FBXL2: variants seen among roughly 807,000 people sequenced by gnomAD.
FBXL2 encodes the protein F-box/LRR-repeat protein 2.
FBXL2 carries 38 observed loss-of-function variants against 69.2 expected under a neutral mutation model. The ratio of observed to expected loss-of-function variants is 0.55; its 90% CI spans 0.42 to 0.72. The LOEUF is 0.72. Among genes scored for constraint, FBXL2 ranks in the 30% least tolerant of loss-of-function variants. The pLI is 0.00. For synonymous variants in FBXL2, 192 were observed against 201.3 expected (o/e 0.95, Z 0.39); for missense variants, 354 against 520.3 (o/e 0.68, Z 3.11).
intron 2 of FBXL2, among the ~76,000 whole-genome samples, chr3:33,309,293 A>C (rs768894815): frequency 2.0e-5 from 3 of 152,094 alleles, no homozygotes; most frequent in Non-Finnish European, 2.9e-5. Flanking sequence ...AGGTGCTCTG[A>C]TGTTGAGTGC....
chr3:33,385,333 G>A (rs554722730), intron 14 of FBXL2, among the ~76,000 whole-genome samples, 168 bp from the exon 15 acceptor site: 1 of 152,258 alleles, frequency 6.6e-6, no homozygotes, highest in East Asian at 1.9e-4. Context: ...TACTAATGGG[G>A]GGCAGACGGT....
At chr3:33,342,226 T>C (rs1330646940) in intron 2 of FBXL2, among the ~76,000 whole-genome samples, 1 of 151,552 alleles carries the variant, frequency 6.6e-6, no homozygotes, top group Non-Finnish European at 1.5e-5. Flanking sequence ...AGGATGGTCT[T>C]AATCTCCTGA....
rs376763047 is a variant in FBXL2 at position 33,378,765 on chromosome 3, T to G, written c.951+24T>G. On this transcript the variant is annotated intron_variant, in intron 13 of 14. Transcript: ENST00000484457. ...TGGTGAGTCTGAGTTTTTCTGACAT[T>G]ATTCACCTGTTAAAGATGAAAGAGC... is the stretch of plus-strand genomic sequence containing the variant. 3.9e-4 allele frequency: 633 copies of G among 1,613,976 alleles called. 2 individuals are homozygous for G. Among genetic ancestry groups the G allele is most frequent in the Non-Finnish European group, 4.9e-4 (573 of 1,179,990 alleles).
chr3:33,372,718 C>T (rs968594152), intron 5 of FBXL2: 6 of 332,884 alleles, frequency 1.8e-5, no homozygotes, highest in Non-Finnish European at 2.8e-5. Flanking sequence ...AGATTTGCCC[C>T]CTTGGTTCAA....
intron 2 of FBXL2, among the ~76,000 whole-genome samples, chr3:33,314,399 G>A (rs2037487917): frequency 6.6e-6 from 1 of 152,108 alleles, no homozygotes; most frequent in African/African-American, 2.4e-5. Flanking sequence ...TACATGCCAC[G>A]TATAAGTGAG....
chr3:33,396,180 C>A, intron 12 of FBXL2: 2 of 1,582,656 alleles, frequency 1.3e-6, no homozygotes, highest in Non-Finnish European at 1.7e-6. Flanking sequence ...GCCCCACTGC[C>A]ATTCTCGCTT....
chr3:33,415,518 C>T, the FBXL2 span, among the ~76,000 whole-genome samples: 2 of 152,018 alleles, frequency 1.3e-5, no homozygotes, highest in African/African-American at 4.8e-5. Flanking sequence ...ATGATATATA[C>T]CAGATATATT....
At chr3:33,327,971 A>AC (rs397794917) in intron 2 of FBXL2, among the ~76,000 whole-genome samples, 1 of 151,506 alleles carries the variant, frequency 6.6e-6, no homozygotes, top group Non-Finnish European at 1.5e-5. Context: ...AAAAAAAAAA[A>AC]CTGTTAGAAC....
chr3:33,338,684 C>T (rs967188050), intron 2 of FBXL2, among the ~76,000 whole-genome samples: 1 of 152,112 alleles, frequency 6.6e-6, no homozygotes, highest in African/African-American at 2.4e-5. Flanking sequence ...GGAAAGGATT[C>T]CCTATTCAAT....
In FBXL2 at chr3:33,384,128, A is replaced by G. The variant is rs114432817; in HGVS notation, c.1091A>G (p.Asn364Ser). The change falls in exon 14 of 15, where the codon AAC becomes AGC. Residue 364 changes from asparagine to serine, a missense_variant. By Grantham distance (46) the Asn-to-Ser change is conservative (BLOSUM62 1). Coordinates refer to ENST00000484457, the MANE Select transcript of FBXL2 (RefSeq NM_012157.5). Reference protein sequence around the residue: ...ITDVALEHLENCRGLERLELY... With the variant: ...ITDVALEHLESCRGLERLELY... ...GATGTGGCCCTGGAACACCTAGAGA[A>G]CTGCCGAGGCCTGGAGCGCCTCGAG... 848 of 1,614,134 alleles carry G rather than the reference A, an allele frequency of 5.3e-4. 4 individuals are homozygous for G. The African/African-American group carries it at 0.01, about 19-fold the overall frequency.
chr3:33,291,691 A>G (rs1340808168), intron 1 of FBXL2, among the ~76,000 whole-genome samples: 2 of 152,208 alleles, frequency 1.3e-5, no homozygotes, highest in African/African-American at 4.8e-5. Context: ...AAATACAGAG[A>G]GGTATAGCTG....
At chr3:33,385,155 A>G (rs1223794026) in intron 14 of FBXL2, among the ~76,000 whole-genome samples, 1 of 152,194 alleles carries the variant, frequency 6.6e-6, no homozygotes, top group Non-Finnish European at 1.5e-5. Flanking sequence ...CATATAGTTC[A>G]CCTACACTGT....
At chr3:33,390,320 TATATAA>T (rs1304852338), downstream of FBXL2, 2 of 1,613,550 alleles carry the variant, frequency 1.2e-6, no homozygotes, top group African/African-American at 2.7e-5. Flanking sequence ...CAGTTCAGTC[TATATAA>T]GACATCACTT....
intron 12 of FBXL2, chr3:33,401,057 A>C: frequency 6.4e-7 from 1 of 1,550,910 alleles, no homozygotes. Flanking sequence ...GATTTTTATA[A>C]TACATATATG....
intron 2 of FBXL2, among the ~76,000 whole-genome samples, chr3:33,299,776 T>C (rs2036100846): frequency 6.6e-6 from 1 of 152,198 alleles, no homozygotes; most frequent in Admixed American, 6.5e-5. Flanking sequence ...AAGACAAATA[T>C]TTGGATAAGA....
At chr3:33,290,725 T>C (rs2035139866) in intron 1 of FBXL2, among the ~76,000 whole-genome samples, 2 of 152,144 alleles carry the variant, frequency 1.3e-5, no homozygotes, top group Non-Finnish European at 2.9e-5. Context: ...TTGTCTAGTA[T>C]ATACCTGTAA....
At position 33,277,496 on chromosome 3, in the gene FBXL2, C is replaced by G. The variant is rs370694290; in HGVS notation, c.-17C>G. 291 of 1,297,424 alleles carry G rather than the reference C, an allele frequency of 2.2e-4. No individual in the cohort carries two copies. The highest frequency in any genetic ancestry group is 2.8e-4 in the Non-Finnish European group (279 of 1,014,454). 80.4% of individuals were successfully genotyped at this position (1,297,424 alleles called of 1,614,324 possible). ...CGTGTGACTTCGGGCTGTGGGCTCGCTCGCGGCTCTTCGGCCATGGTGAGT... is the reference window on the plus strand; with the variant it reads ...CGTGTGACTTCGGGCTGTGGGCTCGGTCGCGGCTCTTCGGCCATGGTGAGT... On this transcript the variant is annotated 5_prime_UTR_variant, in exon 1 of 15. Coordinates refer to ENST00000484457, the MANE Select transcript of FBXL2 (RefSeq NM_012157.5).
chr3:33,393,091 T>TG (rs1008586683), downstream of FBXL2: 2 of 489,822 alleles, frequency 4.1e-6, no homozygotes, highest in African/African-American at 2.0e-5. Flanking sequence ...CCTAAAGGGC[T>TG]GGGGGGAGGC....
At chr3:33,280,167 A>G (rs4678848) in intron 1 of FBXL2, among the ~76,000 whole-genome samples, 14,586 of 152,164 alleles carry the variant, frequency 0.096, 718 homozygotes, top group South Asian at 0.11. Context: ...ACAAAGTTGA[A>G]ATGAGAAGGA....
Sources: allele counts gnomAD v4.1 joint callset (sites outside exome capture counted in the v4.1 genomes callset), GRCh38; gene constraint gnomAD v4.1.1; transcripts MANE v1.5; gene names NCBI Gene and HGNC (gene_info 2026-07-23, HGNC 2026-07-21).